Variants in CCDC102B observed in about 807,000 individuals in gnomAD.
CCDC102B encodes the protein coiled-coil domain containing 102B.
CCDC102B carries 75 observed loss-of-function variants against 57.4 expected under a neutral mutation model. That is an observed-to-expected ratio of 1.31 (90% CI 1.08 to 1.58). The LOEUF (loss-of-function observed/expected upper bound fraction) is 1.58, where lower values mean the gene tolerates loss of function less well. Ranked by LOEUF, CCDC102B falls within the 40% of genes most tolerant of loss-of-function variation. The pLI, the probability that CCDC102B is intolerant of heterozygous loss-of-function variation, is 0.00. For synonymous variants in CCDC102B, 206 were observed against 201.9 expected, an observed-to-expected ratio of 1.02 and a Z score of -0.17; for missense variants, 636 against 582.6, an observed-to-expected ratio of 1.09 and a Z score of -0.94.
At chr18:68,957,086 T>A (rs1267896235) in intron 6 of CCDC102B, among the ~76,000 whole-genome samples, 1 of 152,136 alleles carries the variant, frequency 6.6e-6, no homozygotes, top group Non-Finnish European at 1.5e-5. Flanking sequence ...GGTTGCCTTT[T>A]CACTTTGTTG....
chr18:68,769,446 A>G (rs1029383453), intron 2 of CCDC102B, among the ~76,000 whole-genome samples: 2 of 151,992 alleles, frequency 1.3e-5, no homozygotes, highest in African/African-American at 4.8e-5. Flanking sequence ...TCAACATATG[A>G]GTTTAAAGGG....
intron 6 of CCDC102B, among the ~76,000 whole-genome samples, chr18:68,919,321 T>C (rs2041190636): frequency 6.6e-6 from 1 of 152,140 alleles, no homozygotes; most frequent in Non-Finnish European, 1.5e-5. Flanking sequence ...TTTTGTTATA[T>C]TGACCACATT....
intron 7 of CCDC102B, among the ~76,000 whole-genome samples, chr18:69,028,201 A>G (rs544176979): frequency 3.3e-5 from 5 of 152,334 alleles, no homozygotes; most frequent in Admixed American, 2.0e-4. Context: ...TAAGACACTG[A>G]GGAAGAAACT....
chr18:68,880,648 C>T (rs2039661946), intron 5 of CCDC102B, among the ~76,000 whole-genome samples: 1 of 152,120 alleles, frequency 6.6e-6, no homozygotes, highest in Non-Finnish European at 1.5e-5. Context: ...GTCCTCTAAA[C>T]CTTTTGTTGA....
intron 2 of CCDC102B, among the ~76,000 whole-genome samples, chr18:68,786,215 T>C (rs2144647072): frequency 6.6e-6 from 1 of 152,226 alleles, no homozygotes; most frequent in East Asian, 1.9e-4. Flanking sequence ...AGTACCATGC[T>C]GTTTTGGTTA....
Position 68,810,671 on chromosome 18 carries a change from C to CTTTGTTTG in CCDC102B, c.-16+12493_-16+12494insGTTTGTTT, listed in dbSNP as rs1568263108. Among the ~76,000 whole-genome samples, 56 of 70,038 alleles carry CTTTGTTTG rather than the reference C, an allele frequency of 8.0e-4. 1 individual carries two copies. The highest frequency in any genetic ancestry group is 1.3e-3 in the South Asian group (3 of 2,356). 45.9% of individuals were successfully genotyped at this position (70,038 alleles called of 152,430 possible). A position where few individuals can be genotyped will look rare whatever the true frequency, so the allele number is the denominator to read the frequency against. ...AGACGGTTTTGAAAAATTTTCTTTT[C>CTTTGTTTG]TTTTCTTTGTTTTTTTTTTTTTTTT... On this transcript the variant is annotated intron_variant, in intron 1 of 7. Transcript: ENST00000360242.
At chr18:68,925,573 G>T (rs972601124) in intron 6 of CCDC102B, among the ~76,000 whole-genome samples, 1 of 152,000 alleles carries the variant, frequency 6.6e-6, no homozygotes, top group African/African-American at 2.4e-5. Flanking sequence ...AGCCTGCTTT[G>T]TGGTAGCAAC....
At chr18:68,873,466 A>G (rs1254178912) in intron 4 of CCDC102B, among the ~76,000 whole-genome samples, 1 of 152,108 alleles carries the variant, frequency 6.6e-6, no homozygotes, top group African/African-American at 2.4e-5. Context: ...TAATGGTTTA[A>G]CACTCAGGTA....
chr18:68,981,814 C>A (rs1165674597), intron 6 of CCDC102B, among the ~76,000 whole-genome samples: 2 of 151,782 alleles, frequency 1.3e-5, no homozygotes, highest in Non-Finnish European at 2.9e-5. Context: ...TTGTTCAATT[C>A]CCACCTATGA....
intron 6 of CCDC102B, among the ~76,000 whole-genome samples, chr18:68,953,229 G>A (rs1025227138): frequency 6.6e-6 from 1 of 151,938 alleles, no homozygotes; most frequent in Admixed American, 6.6e-5. Context: ...TTTAGAAATT[G>A]TAAAGATGTT....
At chr18:69,011,175 C>T in intron 7 of CCDC102B, 71 bp downstream of exon 7, 1 of 1,347,616 alleles carries the variant, frequency 7.4e-7, no homozygotes, top group Non-Finnish European at 1.0e-6. Context: ...TAAAGATTGT[C>T]TCCCTTATTA....
At chr18:68,971,833 A>C (rs1221100860) in intron 6 of CCDC102B, among the ~76,000 whole-genome samples, 1 of 151,886 alleles carries the variant, frequency 6.6e-6, no homozygotes, top group African/African-American at 2.4e-5. Flanking sequence ...TGGATTGTAC[A>C]CTTATCTATT....
chr18:68,824,697 G>GT (rs2036835770), intron 1 of CCDC102B, among the ~76,000 whole-genome samples: 1 of 152,156 alleles, frequency 6.6e-6, no homozygotes, highest in African/African-American at 2.4e-5. Flanking sequence ...ATGTGCACAA[G>GT]TTGTTATTTG....
chr18:68,815,787 A>T (rs2036452401), intron 1 of CCDC102B, among the ~76,000 whole-genome samples: 1 of 151,956 alleles, frequency 6.6e-6, no homozygotes, highest in Non-Finnish European at 1.5e-5. Context: ...GTATTTTTTT[A>T]AAAATCTGGA....
chr18:68,975,411 C>T (rs2050408225), intron 6 of CCDC102B, among the ~76,000 whole-genome samples: 2 of 151,618 alleles, frequency 1.3e-5, no homozygotes, highest in Admixed American at 6.6e-5. Context: ...ATATGTGAAC[C>T]AAATATTTGA....
At chr18:68,870,121 C>T (rs2039177110) in intron 4 of CCDC102B, among the ~76,000 whole-genome samples, 1 of 152,216 alleles carries the variant, frequency 6.6e-6, no homozygotes, top group African/African-American at 2.4e-5. Flanking sequence ...CGCTTGTTCT[C>T]ACTCATAAGT....
chr18:68,879,060 C>T (rs1264314556), intron 5 of CCDC102B, among the ~76,000 whole-genome samples: 1 of 151,880 alleles, frequency 6.6e-6, no homozygotes, highest in Non-Finnish European at 1.5e-5. Context: ...TGCAGACCTT[C>T]GCGGTGAGTG....
intron 7 of CCDC102B, among the ~76,000 whole-genome samples, chr18:69,030,969 G>T (rs1166745944): frequency 6.6e-6 from 1 of 152,058 alleles, no homozygotes; most frequent in East Asian, 1.9e-4. Context: ...ATGTTTCATT[G>T]TAAGATTTTC....
intron 6 of CCDC102B, among the ~76,000 whole-genome samples, chr18:68,943,784 C>T (rs528032776): frequency 3.4e-4 from 52 of 152,168 alleles, no homozygotes; most frequent in African/African-American, 1.2e-3. Flanking sequence ...TTCTCTAGGC[C>T]GGAGGAAGGG....
Sources: gnomAD v4.1 joint callset for allele counts (sites outside exome capture counted in the v4.1 genomes callset) on GRCh38, gnomAD v4.1.1 for gene constraint, MANE v1.5 for transcripts, NCBI Gene and HGNC (gene_info 2026-07-23, HGNC 2026-07-21) for gene names.